IMMP2L: variants seen among roughly 807,000 people sequenced by gnomAD.
IMMP2L encodes mitochondrial inner membrane protease subunit 2.
In IMMP2L, 18 loss-of-function variants were observed where a neutral mutation model predicts 19.3. The observed-to-expected ratio is 0.93, with a 90% CI of 0.64 to 1.38. The LOEUF (loss-of-function observed/expected upper bound fraction) is 1.38. Ranked by LOEUF, IMMP2L falls within the 40% of genes most tolerant of loss-of-function variation. The probability of loss-of-function intolerance (pLI) is 0.00; values close to 1 mark genes in which losing one functional copy is unlikely to be tolerated. For missense variants in IMMP2L, 233 were observed against 218.2 expected (o/e 1.07, Z -0.43); for synonymous variants, 76 against 73.0 (o/e 1.04, Z -0.21).
At chr7:111,077,544 G>C (rs7790427) in intron 3 of IMMP2L, among the ~76,000 whole-genome samples, 1 of 152,220 alleles carries the variant, frequency 6.6e-6, no homozygotes, top group East Asian at 1.9e-4. Flanking sequence ...CTGGAATACT[G>C]TCATCTCTCA....
intron 3 of IMMP2L, among the ~76,000 whole-genome samples, chr7:111,059,813 C>T (rs902157305): frequency 6.6e-6 from 1 of 151,664 alleles, no homozygotes; most frequent in Non-Finnish European, 1.5e-5. Context: ...AAATATGGCA[C>T]TCTACATGCC....
chr7:110,941,000 C>G (rs754023070), intron 4 of IMMP2L, among the ~76,000 whole-genome samples: 2 of 152,148 alleles, frequency 1.3e-5, no homozygotes, highest in African/African-American at 2.4e-5. Context: ...TGCTGACATT[C>G]ATCCAGCATG....
chr7:110,715,698 C>G (rs188403472), intron 5 of IMMP2L, among the ~76,000 whole-genome samples: 2 of 151,924 alleles, frequency 1.3e-5, no homozygotes. Context: ...TGAGCATGTT[C>G]GGGGTGTAGA....
intron 3 of IMMP2L, among the ~76,000 whole-genome samples, chr7:111,426,083 G>T (rs1338151987): frequency 6.6e-6 from 1 of 151,104 alleles, no homozygotes; most frequent in Non-Finnish European, 1.5e-5. Context: ...GCCAGATTGG[G>T]TACAGGGAGC....
rs1809224043 is a variant in IMMP2L at position 110,877,741 on chromosome 7, A to C, written c.408+8852T>G. ...GCACATCACAAGTTTTACAAAAATTAAGTTTATTAAAGAACACATGGGTCC... is the reference window on the plus strand; with the variant it reads ...GCACATCACAAGTTTTACAAAAATTCAGTTTATTAAAGAACACATGGGTCC... On this transcript the variant is annotated intron_variant, in intron 5 of 5. Transcript: ENST00000405709. The surrounding 1 kb of genome is among the most constrained non-coding windows in gnomAD (Gnocchi z 4.0). Among the ~76,000 whole-genome samples, 1 of 152,090 alleles carries C rather than the reference A, an allele frequency of 6.6e-6. No individual in the cohort carries two copies. The highest frequency in any genetic ancestry group is 2.4e-5 in the African/African-American group (1 of 41,438).
At chr7:111,023,499 A>C (rs1826497562) in intron 3 of IMMP2L, among the ~76,000 whole-genome samples, 1 of 151,668 alleles carries the variant, frequency 6.6e-6, no homozygotes, top group Non-Finnish European at 1.5e-5. Flanking sequence ...TCAGGAGTTC[A>C]AGACCAGCCT....
intron 4 of IMMP2L, among the ~76,000 whole-genome samples, chr7:110,911,009 G>T (rs1053320122): frequency 1.3e-5 from 2 of 151,950 alleles, no homozygotes; most frequent in African/African-American, 4.8e-5. Flanking sequence ...ATTTAGAAAA[G>T]AACATTATAA....
chr7:111,216,693 T>C (rs1811961120), intron 3 of IMMP2L, among the ~76,000 whole-genome samples: 1 of 152,150 alleles, frequency 6.6e-6, no homozygotes, highest in African/African-American at 2.4e-5. Context: ...TTCAAATAAA[T>C]GGTTTCTCAG....
At chr7:111,531,108 C>T (rs908399092) in intron 1 of IMMP2L, among the ~76,000 whole-genome samples, 10 of 151,790 alleles carry the variant, frequency 6.6e-5, no homozygotes, top group Non-Finnish European at 1.2e-4. Context: ...CCCACCACCA[C>T]GCCCGGCTAA....
At chr7:110,774,724 G>C (rs191460324) in intron 5 of IMMP2L, among the ~76,000 whole-genome samples, 1 of 152,108 alleles carries the variant, frequency 6.6e-6, no homozygotes, top group Non-Finnish European at 1.5e-5. Flanking sequence ...TGTGGCCTAA[G>C]AGCAACAGGC....
At chr7:110,909,906 GAA>G (rs1812866321) in intron 4 of IMMP2L, among the ~76,000 whole-genome samples, 1 of 150,128 alleles carries the variant, frequency 6.7e-6, no homozygotes, top group South Asian at 2.1e-4. Context: ...GAGAGAGAGA[GAA>G]AGAGAGAGAG....
chr7:110,807,725 AT>A (rs1427496767), intron 5 of IMMP2L, among the ~76,000 whole-genome samples: 1 of 152,092 alleles, frequency 6.6e-6, no homozygotes, highest in East Asian at 1.9e-4. Context: ...ATACAACTTC[AT>A]TAGTGTTATA....
At chr7:111,290,492 T>A in intron 3 of IMMP2L, among the ~76,000 whole-genome samples, 1 of 151,466 alleles carries the variant, frequency 6.6e-6, no homozygotes, top group East Asian at 1.9e-4. Flanking sequence ...TTAAGCATGA[T>A]TGACTTCTTT....
At chr7:111,114,349 A>G (rs1006993744) in intron 3 of IMMP2L, among the ~76,000 whole-genome samples, 1 of 152,168 alleles carries the variant, frequency 6.6e-6, no homozygotes, top group Non-Finnish European at 1.5e-5. Context: ...ACAGACACAT[A>G]AAACGTGAAT....
chr7:111,135,524 G>T (rs989722023), intron 3 of IMMP2L, among the ~76,000 whole-genome samples: 1 of 152,070 alleles, frequency 6.6e-6, no homozygotes, highest in South Asian at 2.1e-4. Context: ...CTAACCCTGT[G>T]ATCTTTAAAT....
intron 3 of IMMP2L, among the ~76,000 whole-genome samples, chr7:111,155,968 C>G (rs189627449): frequency 1.3e-5 from 2 of 152,142 alleles, no homozygotes; most frequent in Non-Finnish European, 2.9e-5. Flanking sequence ...ATAATACATA[C>G]TATTTTGTGT....
At chr7:111,513,458 A>G (rs1010623230) in intron 2 of IMMP2L, among the ~76,000 whole-genome samples, 2 of 152,130 alleles carry the variant, frequency 1.3e-5, no homozygotes, top group Non-Finnish European at 2.9e-5. Context: ...TTCAAGAGAT[A>G]AATGTTGGTG....
chr7:111,393,161 G>A (rs1832536996), intron 3 of IMMP2L, among the ~76,000 whole-genome samples: 1 of 151,794 alleles, frequency 6.6e-6, no homozygotes, highest in South Asian at 2.1e-4. Flanking sequence ...CTTTTTAAGG[G>A]CCCACCAAGA....
chr7:110,839,343 T>G (rs779592133), intron 5 of IMMP2L, among the ~76,000 whole-genome samples: 2 of 152,120 alleles, frequency 1.3e-5, no homozygotes, highest in Admixed American at 6.6e-5. Flanking sequence ...AAAAAAAGTC[T>G]ATTAGGATAA....
Sources: gnomAD v4.1 joint callset for allele counts (sites outside exome capture counted in the v4.1 genomes callset) on GRCh38, gnomAD v4.1.1 for gene constraint, Gnocchi (gnomAD v3.1) non-coding constraint, MANE v1.5 for transcripts, NCBI Gene and HGNC (gene_info 2026-07-23, HGNC 2026-07-21) for gene names.